ATF6: variants seen among roughly 807,000 people sequenced by gnomAD.
ATF6 encodes activating transcription factor 6, also known as cyclic AMP-dependent transcription factor ATF-6 alpha.
In ATF6, 53 loss-of-function variants were observed where a neutral mutation model predicts 83.6. The observed-to-expected ratio is 0.63, with a 90% CI of 0.51 to 0.80. The LOEUF is 0.80. Among genes scored for constraint, ATF6 ranks in the 30% least tolerant of loss-of-function variants. The probability of loss-of-function intolerance (pLI) is 0.00; values close to 1 mark genes in which losing one functional copy is unlikely to be tolerated. For synonymous variants in ATF6, 288 were observed against 285.8 expected (o/e 1.01, Z -0.08); for missense variants, 744 against 797.9 (o/e 0.93, Z 0.81).
chr1:161,817,027 T>C (rs999447997), intron 7 of ATF6, among the ~76,000 whole-genome samples: 1 of 152,238 alleles, frequency 6.6e-6, no homozygotes, highest in Non-Finnish European at 1.5e-5. Flanking sequence ...ATTGAATATT[T>C]ATTTTCAGAA....
rs367625221 is a variant in ATF6 at position 161,811,690 on chromosome 1, TATCCATCC to T, written c.910-7925_910-7918del. On this transcript the variant is annotated intron_variant, in intron 7 of 15. Coordinates refer to ENST00000367942, the MANE Select transcript of ATF6 (RefSeq NM_007348.4). ...CCTACCCATCCATCCATCCATCCAC[TATCCATCC>T]ATCCATCCATCCATCCACTATCCAT... 2.6e-3 allele frequency among the ~76,000 whole-genome samples: 397 copies of T among 151,004 alleles called. 4 individuals are homozygous for T. The highest frequency in any genetic ancestry group is 8.8e-3 in the African/African-American group (362 of 41,098).
At chr1:161,819,599 C>T in intron 7 of ATF6, 34 bp from the exon 8 acceptor site, 1 of 1,476,114 alleles carries the variant, frequency 6.8e-7, no homozygotes, top group Non-Finnish European at 9.0e-7. Flanking sequence ...GATTTTAAAA[C>T]CAGGGTATTC....
intron 6 of ATF6, among the ~76,000 whole-genome samples, chr1:161,793,137 A>G (rs987360961): frequency 6.6e-6 from 1 of 152,196 alleles, no homozygotes; most frequent in South Asian, 2.1e-4. Flanking sequence ...TGTATCTCCA[A>G]TTGTGAATAG....
intron 14 of ATF6, among the ~76,000 whole-genome samples, chr1:161,873,613 A>G (rs1687157956): frequency 6.6e-6 from 1 of 151,644 alleles, no homozygotes; most frequent in Non-Finnish European, 1.5e-5. Flanking sequence ...TAATTGTGTG[A>G]TATTTATTTC....
intron 14 of ATF6, among the ~76,000 whole-genome samples, chr1:161,879,701 A>G (rs1460426614): frequency 2.6e-5 from 4 of 152,060 alleles, no homozygotes; most frequent in Non-Finnish European, 5.9e-5. Context: ...ACACTGTATT[A>G]TTATATCTTT....
At chr1:161,836,343 G>A (rs1267947236) in intron 9 of ATF6, among the ~76,000 whole-genome samples, 2 of 152,166 alleles carry the variant, frequency 1.3e-5, no homozygotes, top group South Asian at 2.1e-4. Context: ...TAACTTAAAC[G>A]TCAGAATTCA....
At chr1:161,935,200 A>C (rs1200764432) in intron 15 of ATF6, among the ~76,000 whole-genome samples, 1 of 152,122 alleles carries the variant, frequency 6.6e-6, no homozygotes, top group Non-Finnish European at 1.5e-5. Context: ...AGAGAGATAG[A>C]CTCGTATGTA....
At position 161,958,993 on chromosome 1, in the gene ATF6, T is replaced by C. The variant is rs1459651467; in HGVS notation, c.*339T>C. 3 of 189,794 alleles carry C rather than the reference T, an allele frequency of 1.6e-5. No individual in the cohort carries two copies. Among genetic ancestry groups the C allele is most frequent in the Admixed American group, 1.1e-4 (2 of 17,760 alleles). The allele number at this position is 189,794 out of a possible 1,614,324, so 11.8% of individuals were successfully genotyped here. ...TTGTGTTTAAACAGTCATCTTCTTT[T>C]AAATAATATCCACCTCTCCTTTTTG... On this transcript the variant is annotated 3_prime_UTR_variant, in exon 16 of 16. Transcript: ENST00000367942.
At chr1:161,835,724 A>G (rs984170474) in intron 9 of ATF6, among the ~76,000 whole-genome samples, 1 of 152,308 alleles carries the variant, frequency 6.6e-6, no homozygotes, top group East Asian at 1.9e-4. Context: ...TGTTTTGGAC[A>G]GAGTAGGGGC....
intron 7 of ATF6, among the ~76,000 whole-genome samples, chr1:161,818,100 CAA>C (rs778851235): frequency 3.0e-4 from 24 of 79,724 alleles, no homozygotes; most frequent in Admixed American, 3.8e-4. Flanking sequence ...GACTCCATCT[CAA>C]AAAAAAAAAA....
In ATF6 at chr1:161,958,534, G is replaced by A. The variant is rs774489243; in HGVS notation, c.1893G>A (p.Ser631=). ...CCAGGATCCTCCATATCAAAAGTTC[G>A]TCAGTTCCTCCTTACCTCCGAGATC... ...MDTRILHIKS[S]SVPPYLRDQQ... The change falls in exon 16 of 16, where the codon TCG becomes TCA. Residue 631 remains serine (S), a synonymous_variant. Transcript: ENST00000367942. 1.7e-5 allele frequency: 28 copies of A among 1,613,746 alleles called. No individual in the cohort carries two copies. The highest frequency in any genetic ancestry group is 1.6e-4 in the Middle Eastern group (1 of 6,082).
At chr1:161,848,531 A>G (rs999356804) in intron 10 of ATF6, among the ~76,000 whole-genome samples, 13 of 152,148 alleles carry the variant, frequency 8.5e-5, no homozygotes, top group African/African-American at 2.9e-4. Context: ...CAGTCATAGA[A>G]ATGTGTGGCA....
At chr1:161,914,928 G>T (rs551540273) in intron 15 of ATF6, among the ~76,000 whole-genome samples, 101 of 152,278 alleles carry the variant, frequency 6.6e-4, no homozygotes, top group Admixed American at 4.4e-3. Flanking sequence ...AGAAAGTACC[G>T]TTCAGTGAGA....
At chr1:161,768,355 A>G (rs1426841975) in intron 1 of ATF6, among the ~76,000 whole-genome samples, 1 of 152,074 alleles carries the variant, frequency 6.6e-6, no homozygotes, top group Non-Finnish European at 1.5e-5. Flanking sequence ...GAATGTGCCC[A>G]TTTCCATTGT....
chr1:161,792,425 C>T (rs770266728), intron 6 of ATF6, 98 bp downstream of exon 6: 35 of 1,184,334 alleles, frequency 3.0e-5, no homozygotes, highest in African/African-American at 6.1e-5. Flanking sequence ...TTTCTGAGCA[C>T]GTGCTGTTTG....
At chr1:161,868,710 A>G (rs959125701) in intron 14 of ATF6, among the ~76,000 whole-genome samples, 17 of 151,918 alleles carry the variant, frequency 1.1e-4, no homozygotes, top group African/African-American at 4.1e-4. Flanking sequence ...TTACTGATCT[A>G]AGAAGTAATA....
chr1:161,889,431 C>T (rs1472497897), intron 14 of ATF6, among the ~76,000 whole-genome samples: 1 of 152,234 alleles, frequency 6.6e-6, no homozygotes, highest in East Asian at 1.9e-4. Context: ...AATAAACTTC[C>T]TGTAAGCACA....
intron 14 of ATF6, among the ~76,000 whole-genome samples, chr1:161,894,769 C>T (rs1205259914): frequency 6.8e-6 from 1 of 147,346 alleles, no homozygotes; most frequent in Non-Finnish European, 1.5e-5. Flanking sequence ...CCAGGCTGAC[C>T]GGGAACTCTT....
intron 14 of ATF6, among the ~76,000 whole-genome samples, chr1:161,901,237 T>G (rs1238780710): frequency 2.0e-5 from 3 of 152,034 alleles, no homozygotes; most frequent in African/African-American, 7.2e-5. Flanking sequence ...GATGCTGAGG[T>G]TTAGGGTATG....
Sources: allele counts gnomAD v4.1 joint callset (sites outside exome capture counted in the v4.1 genomes callset), GRCh38; gene constraint gnomAD v4.1.1; transcripts MANE v1.5; gene names NCBI Gene and HGNC (gene_info 2026-07-23, HGNC 2026-07-21).